EXOC6B: variants seen among roughly 807,000 people sequenced by gnomAD.
EXOC6B encodes SEC15 homolog B.
Under a neutral mutation model 113.5 loss-of-function variants are expected in EXOC6B, and 54 were observed. The observed-to-expected ratio is 0.48, with a 90% CI of 0.38 to 0.60. The LOEUF is 0.60. Among genes scored for constraint, EXOC6B ranks in the 20% least tolerant of loss-of-function variants. The pLI, the probability that EXOC6B is intolerant of heterozygous loss-of-function variation, is 0.00. For missense variants in EXOC6B, 797 were observed against 977.5 expected (o/e 0.82, Z 2.46); for synonymous variants, 357 against 339.0 (o/e 1.05, Z -0.58).
At chr2:72,643,545 T>C (rs1335702560) in intron 6 of EXOC6B, among the ~76,000 whole-genome samples, 120 of 144,658 alleles carry the variant, frequency 8.3e-4, no homozygotes, top group South Asian at 2.5e-3. Flanking sequence ...TTCTCACTCA[T>C]AGGTGGGAAG....
At chr2:72,397,560 C>CA (rs971540360) in intron 18 of EXOC6B, among the ~76,000 whole-genome samples, 1 of 148,764 alleles carries the variant, frequency 6.7e-6, no homozygotes, top group African/African-American at 2.5e-5. Flanking sequence ...GCAGAGGTTG[C>CA]AGTAAGCCGA....
At chr2:72,336,432 G>A (rs1342181079) in intron 19 of EXOC6B, among the ~76,000 whole-genome samples, 1 of 152,024 alleles carries the variant, frequency 6.6e-6, no homozygotes, top group Non-Finnish European at 1.5e-5. Flanking sequence ...TTAAAATTAT[G>A]CTAACAACTT....
At chr2:72,753,957 G>GT (rs1397406074) in intron 1 of EXOC6B, among the ~76,000 whole-genome samples, 40 of 152,028 alleles carry the variant, frequency 2.6e-4, no homozygotes, top group Admixed American at 2.6e-3. Flanking sequence ...TTTTGTTTTT[G>GT]TTTTGAGACA....
chr2:72,339,781 AAGG>A (rs2104900603), intron 19 of EXOC6B, among the ~76,000 whole-genome samples: 1 of 152,326 alleles, frequency 6.6e-6, no homozygotes, highest in African/African-American at 2.4e-5. Flanking sequence ...AAAAAATTAA[AAGG>A]AGGTATACAA....
chr2:72,366,863 A>C (rs1350743952), intron 19 of EXOC6B, among the ~76,000 whole-genome samples: 1 of 150,694 alleles, frequency 6.6e-6, no homozygotes, highest in Admixed American at 6.6e-5. Flanking sequence ...TTTTACCAGA[A>C]AAAAAAAAAG....
Position 72,300,565 on chromosome 2 carries a change from G to A in EXOC6B, c.2196+34382C>T, listed in dbSNP as rs1190507842. ...TCGCTAGCGTTCCAGGTGCCACTGG[G>A]GTATGGAAAAAAAACTTCTGCAGCT... On this transcript the variant is annotated intron_variant, in intron 20 of 21. Coordinates refer to ENST00000272427, the MANE Select transcript of EXOC6B (RefSeq NM_015189.3). 5.3e-5 allele frequency among the ~76,000 whole-genome samples: 8 copies of A among 152,272 alleles called. No homozygotes were observed. The East Asian group carries it at 9.6e-4, about 18-fold the overall frequency.
At chr2:72,407,903 G>T (rs373767006) in intron 18 of EXOC6B, among the ~76,000 whole-genome samples, 16 of 152,190 alleles carry the variant, frequency 1.1e-4, no homozygotes, top group African/African-American at 3.4e-4. Flanking sequence ...GGTATTCAAT[G>T]AGGAAAAGAG....
chr2:72,564,693 TG>T (rs1350449135), intron 7 of EXOC6B, among the ~76,000 whole-genome samples: 9 of 152,314 alleles, frequency 5.9e-5, no homozygotes, highest in African/African-American at 2.2e-4. Context: ...AGAATTCATT[TG>T]GATATGAGCT....
At chr2:72,484,273 C>T (rs1037994892) in intron 16 of EXOC6B, among the ~76,000 whole-genome samples, 4 of 151,686 alleles carry the variant, frequency 2.6e-5, no homozygotes, top group Non-Finnish European at 5.9e-5. Flanking sequence ...AGATCCGTCC[C>T]CTCAGCTGGG....
At chr2:72,680,636 T>A in intron 6 of EXOC6B, among the ~76,000 whole-genome samples, 1 of 151,914 alleles carries the variant, frequency 6.6e-6, no homozygotes, top group African/African-American at 2.4e-5. Context: ...CTACTTGGGA[T>A]GCTGAGCCAG....
intron 18 of EXOC6B, among the ~76,000 whole-genome samples, chr2:72,390,679 A>G (rs1200126013): frequency 6.6e-6 from 1 of 152,174 alleles, no homozygotes; most frequent in Non-Finnish European, 1.5e-5. Flanking sequence ...TAGGTCCAGG[A>G]CTAATGCTGC....
At chr2:72,489,377 TAAAC>T (rs1699614557) in intron 16 of EXOC6B, among the ~76,000 whole-genome samples, 1 of 152,220 alleles carries the variant, frequency 6.6e-6, no homozygotes, top group Non-Finnish European at 1.5e-5. Context: ...GTAAAGGTAA[TAAAC>T]AAATTATCTT....
intron 6 of EXOC6B, among the ~76,000 whole-genome samples, chr2:72,661,894 A>G (rs1044958818): frequency 2.0e-5 from 3 of 152,172 alleles, no homozygotes; most frequent in Non-Finnish European, 4.4e-5. Context: ...CAGAACTGAC[A>G]TTGCAAAAAT....
Position 72,328,688 on chromosome 2 carries a change from A to G in EXOC6B, c.2196+6259T>C, listed in dbSNP as rs114768580. 2.8e-3 allele frequency among the ~76,000 whole-genome samples: 427 copies of G among 152,252 alleles called. 3 individuals carry two copies. Among genetic ancestry groups the G allele is most frequent in the African/African-American group, 9.1e-3 (379 of 41,578 alleles). On this transcript the variant is annotated intron_variant, in intron 20 of 21. Transcript: ENST00000272427. ...TCTGCAGGACATGCAGTGGCTCTGCATCTGCAAAGAGATCTGTGCAGGTGG... is the reference window on the plus strand; with the variant it reads ...TCTGCAGGACATGCAGTGGCTCTGCGTCTGCAAAGAGATCTGTGCAGGTGG...
At chr2:72,215,387 A>G (rs1293518392) in intron 20 of EXOC6B, among the ~76,000 whole-genome samples, 1 of 152,124 alleles carries the variant, frequency 6.6e-6, no homozygotes, top group African/African-American at 2.4e-5. Context: ...TCTCCTTCAC[A>G]TTATCTCACC....
At chr2:72,686,872 C>T (rs1677125041) in intron 6 of EXOC6B, among the ~76,000 whole-genome samples, 1 of 152,126 alleles carries the variant, frequency 6.6e-6, no homozygotes, top group Non-Finnish European at 1.5e-5. Context: ...TGGGCGGTGG[C>T]TCATGTCTGT....
At chr2:72,683,623 C>G (rs1676869274) in intron 6 of EXOC6B, among the ~76,000 whole-genome samples, 1 of 152,112 alleles carries the variant, frequency 6.6e-6, no homozygotes, top group Non-Finnish European at 1.5e-5. Flanking sequence ...CATTCCTGTT[C>G]ATATACACCT....
chr2:72,701,637 T>C lies in EXOC6B; in HGVS notation c.669+16466A>G, dbSNP rs1678353144. ...TCAAGAAATTGTCAATAAATGATTA[T>C]CATAAGGAATTCTACTTCCCGGAGT... On this transcript the variant is annotated intron_variant, in intron 6 of 21. Transcript: ENST00000272427. Among the ~76,000 whole-genome samples, 6 of 152,296 alleles carry C rather than the reference T, an allele frequency of 3.9e-5. No homozygotes were observed. In the South Asian group the frequency reaches 1.2e-3, roughly 32 times the overall value.
At chr2:72,540,866 C>A (rs1048832124) in intron 8 of EXOC6B, among the ~76,000 whole-genome samples, 2 of 152,194 alleles carry the variant, frequency 1.3e-5, no homozygotes, top group African/African-American at 4.8e-5. Context: ...ACTATCACAA[C>A]CTTTGCAGAA....
Sources: allele counts gnomAD v4.1 joint callset (sites outside exome capture counted in the v4.1 genomes callset), GRCh38; gene constraint gnomAD v4.1.1; transcripts MANE v1.5; gene names NCBI Gene and HGNC (gene_info 2026-07-23, HGNC 2026-07-21).